DCAF8L2: variants seen among roughly 807,000 people sequenced by gnomAD.
DCAF8L2 encodes the protein DDB1- and CUL4-associated factor 8-like protein 2.
For missense variants in DCAF8L2, 430 were observed against 490.7 expected (o/e 0.88, Z 1.17); for synonymous variants, 200 against 190.9 (o/e 1.05, Z -0.39).
chrX:27,500,675 G>A, the DCAF8L2 span, among the ~76,000 whole-genome samples: 1 of 111,462 alleles, frequency 9.0e-6, no homozygotes. Flanking sequence ...TTAATGAGTG[G>A]CAGTTAATAT....
chrX:27,625,156 A>G (rs979712722), intron 1 of DCAF8L2, among the ~76,000 whole-genome samples: 1 of 111,914 alleles, frequency 8.9e-6, no homozygotes, highest in Admixed American at 9.5e-5. Flanking sequence ...CAAGCCAAAA[A>G]CAGAAAACCC....
chrX:27,628,697 G>C (rs1461525263), intron 1 of DCAF8L2, among the ~76,000 whole-genome samples: 1 of 107,095 alleles, frequency 9.3e-6, no homozygotes, highest in Non-Finnish European at 1.9e-5. Flanking sequence ...TCCGCCTCCC[G>C]GGTTCACGCC....
intron 2 of DCAF8L2, among the ~76,000 whole-genome samples, chrX:27,663,907 A>G (rs1189587735): frequency 1.1e-5 from 1 of 87,252 alleles, no homozygotes; most frequent in Non-Finnish European, 2.2e-5. Flanking sequence ...ATGGGGTTTC[A>G]CCATATTGGT....
intron 3 of DCAF8L2, among the ~76,000 whole-genome samples, chrX:27,686,146 G>T (rs1930497667): frequency 9.0e-6 from 1 of 111,027 alleles, no homozygotes; most frequent in Non-Finnish European, 1.9e-5. Flanking sequence ...GGAGCGCAGT[G>T]TAGTAAAGCC....
the DCAF8L2 span, among the ~76,000 whole-genome samples, chrX:27,515,623 A>G: frequency 8.9e-6 from 1 of 112,449 alleles, no homozygotes; most frequent in Admixed American, 9.4e-5. Context: ...CAATCTTAAA[A>G]ATGGATTAAA....
chrX:27,565,392 T>G, the DCAF8L2 span, among the ~76,000 whole-genome samples: 2 of 111,764 alleles, frequency 1.8e-5, no homozygotes, highest in South Asian at 7.5e-4. Flanking sequence ...ATCCTACATG[T>G]CAGAGATAAA....
intron 3 of DCAF8L2, among the ~76,000 whole-genome samples, chrX:27,688,026 T>A (rs1930574225): frequency 8.9e-6 from 1 of 111,885 alleles, no homozygotes; most frequent in African/African-American, 3.2e-5. Context: ...ATAAAGTTTT[T>A]GCCTCTTCAA....
At chrX:27,662,794 T>C (rs1332741005) in intron 2 of DCAF8L2, among the ~76,000 whole-genome samples, 1 of 111,479 alleles carries the variant, frequency 9.0e-6, no homozygotes, top group African/African-American at 3.2e-5. Context: ...AGATGACCCA[T>C]ATAAGAGTGT....
chrX:27,471,496 G>C, the DCAF8L2 span, among the ~76,000 whole-genome samples: 8 of 110,731 alleles, frequency 7.2e-5, no homozygotes, highest in Non-Finnish European at 1.5e-4. Flanking sequence ...ACTGTCCTTC[G>C]TGCATATCTT....
chrX:27,606,583 C>G (rs771136746), intron 1 of DCAF8L2, among the ~76,000 whole-genome samples: 1 of 106,105 alleles, frequency 9.4e-6, no homozygotes, highest in Admixed American at 1.0e-4. Flanking sequence ...GTTGGTCAGG[C>G]TGGTCTCGAA....
Position 27,747,532 on chromosome X carries a change from G to T in DCAF8L2, c.637G>T (p.Ala213Ser), listed in dbSNP as rs747290313. 1 of 1,181,058 alleles carries T rather than the reference G, an allele frequency of 8.5e-7. No individual in the cohort carries two copies. Among genetic ancestry groups the T allele is most frequent in the South Asian group, 1.9e-5 (1 of 53,508 alleles). The part of the protein sequence containing the change: ...RFVYEACGAR[A>S]FVQRFRLQYR... Reference sequence around the variant, plus strand: ...TGTATATGAGGCCTGTGGGGCAAGAGCCTTTGTGCAGCGTTTCCGCCTGCA... The same window carrying T: ...TGTATATGAGGCCTGTGGGGCAAGATCCTTTGTGCAGCGTTTCCGCCTGCA... The change falls in exon 5 of 5, where the codon GCC (alanine) becomes TCC (serine). Residue 213 changes from alanine to serine, a missense_variant. Coordinates refer to ENST00000451261, the MANE Select transcript of DCAF8L2 (RefSeq NM_001353450.2).
intron 4 of DCAF8L2, among the ~76,000 whole-genome samples, chrX:27,732,588 T>C (rs759196043): frequency 9.0e-6 from 1 of 110,561 alleles, no homozygotes; most frequent in African/African-American, 3.3e-5. Context: ...TGTATATATA[T>C]AAACACATAT....
At chrX:27,690,587 C>A (rs1930676892) in intron 3 of DCAF8L2, among the ~76,000 whole-genome samples, 1 of 108,333 alleles carries the variant, frequency 9.2e-6, no homozygotes, top group Non-Finnish European at 1.9e-5. Context: ...ATATGAATTA[C>A]ATCAAATTGC....
chrX:27,689,834 C>T (rs1451288366), intron 3 of DCAF8L2, among the ~76,000 whole-genome samples: 2 of 111,441 alleles, frequency 1.8e-5, no homozygotes, highest in Non-Finnish European at 3.8e-5. Flanking sequence ...AGACATTAAC[C>T]AGAAAAACAA....
At chrX:27,716,473 C>T (rs1346176921) in intron 4 of DCAF8L2, among the ~76,000 whole-genome samples, 1 of 112,256 alleles carries the variant, frequency 8.9e-6, no homozygotes, top group Non-Finnish European at 1.9e-5. Context: ...CATAAAATGA[C>T]ACAACAATAA....
chrX:27,545,624 T>G, the DCAF8L2 span, among the ~76,000 whole-genome samples: 1 of 111,635 alleles, frequency 9.0e-6, no homozygotes, highest in African/African-American at 3.3e-5. Flanking sequence ...GAGTAAGTTC[T>G]TGTGACAGTG....
At chrX:27,549,345 G>A in the DCAF8L2 span, among the ~76,000 whole-genome samples, 3 of 110,552 alleles carry the variant, frequency 2.7e-5, no homozygotes, top group Admixed American at 2.9e-4. Context: ...TACATTGAAA[G>A]TATTTTCATA....
intron 3 of DCAF8L2, among the ~76,000 whole-genome samples, chrX:27,709,044 C>T (rs1208570731): frequency 2.7e-5 from 3 of 112,127 alleles, no homozygotes; most frequent in African/African-American, 3.2e-5. Context: ...CTCAGCCTCC[C>T]GAATAGCTGG....
the DCAF8L2 span, chrX:27,518,192 T>C: frequency 1.1e-6 from 1 of 908,344 alleles, no homozygotes; most frequent in Non-Finnish European, 1.6e-6. Flanking sequence ...GCAGTTCTTT[T>C]GGCTTCCTAT....
Sources: allele counts gnomAD v4.1 joint callset (sites outside exome capture counted in the v4.1 genomes callset), GRCh38; gene constraint gnomAD v4.1.1; transcripts MANE v1.5; gene names NCBI Gene and HGNC (gene_info 2026-07-23, HGNC 2026-07-21).